Variants in KCNJ15 observed in about 807,000 individuals in gnomAD.
The protein encoded by KCNJ15 is ATP-sensitive inward rectifier potassium channel 15.
In KCNJ15, 14 loss-of-function variants were observed where a neutral mutation model predicts 23.0. The ratio of observed to expected loss-of-function variants is 0.61; its 90% confidence interval spans 0.40 to 0.95. KCNJ15 has a LOEUF of 0.95. KCNJ15 is among the 40% of genes least tolerant of loss of function. The pLI, the probability that KCNJ15 is intolerant of heterozygous loss-of-function variation, is 0.00. For missense variants in KCNJ15, 388 were observed against 461.8 expected, an observed-to-expected ratio of 0.84 and a Z score of 1.46; for synonymous variants, 185 against 183.2, an observed-to-expected ratio of 1.01 and a Z score of -0.08.
intron 1 of KCNJ15, among the ~76,000 whole-genome samples, chr21:38,279,438 G>T (rs1373210184): frequency 2.0e-5 from 3 of 152,148 alleles, no homozygotes; most frequent in Non-Finnish European, 4.4e-5. Context: ...GCCACTTCAA[G>T]ATTGGCAGAA....
chr21:38,300,604 C>T lies in KCNJ15; in HGVS notation c.*215C>T, dbSNP rs1354037684. On this transcript the variant is annotated 3_prime_UTR_variant, in exon 3 of 3. Transcript: ENST00000398938. ...TAGGTGCTTCGTCTGAAAGTGAACT[C>T]TCATAATTCAAATTGTATAAAATAA... 33 of 527,922 alleles carry T rather than the reference C, an allele frequency of 6.3e-5. No homozygotes were observed. Among genetic ancestry groups the T allele is most frequent in the South Asian group, 1.8e-4 (6 of 33,500 alleles). 32.7% of individuals were successfully genotyped at this position (527,922 alleles called of 1,614,324 possible).
intron 1 of KCNJ15, among the ~76,000 whole-genome samples, chr21:38,280,400 C>T (rs1320699767): frequency 6.6e-6 from 1 of 152,104 alleles, no homozygotes; most frequent in Non-Finnish European, 1.5e-5. Flanking sequence ...TGTATTCAGG[C>T]AATAGTGTGT....
chr21:38,246,797 A>G (rs1979401615), intron 1 of KCNJ15, among the ~76,000 whole-genome samples: 1 of 152,196 alleles, frequency 6.6e-6, no homozygotes, highest in Non-Finnish European at 1.5e-5. Flanking sequence ...CTGCTTATCT[A>G]TCAGACTGGT....
At chr21:38,295,443 A>G (rs2146345777) in intron 1 of KCNJ15, among the ~76,000 whole-genome samples, 1 of 152,342 alleles carries the variant, frequency 6.6e-6, no homozygotes, top group East Asian at 1.9e-4. Flanking sequence ...TAACTCCAAG[A>G]ACAATTTTTA....
At chr21:38,266,896 C>T (rs1321886851) in intron 1 of KCNJ15, among the ~76,000 whole-genome samples, 1 of 152,200 alleles carries the variant, frequency 6.6e-6, no homozygotes, top group Non-Finnish European at 1.5e-5. Context: ...CACCCTTAAG[C>T]CTCTGCTGCA....
intron 1 of KCNJ15, among the ~76,000 whole-genome samples, chr21:38,296,303 A>C (rs116665965): frequency 0.03 from 4,564 of 152,306 alleles, 211 homozygotes; most frequent in African/African-American, 0.1. Flanking sequence ...ATAGATAGGC[A>C]GATAGCTTAG....
intron 1 of KCNJ15, among the ~76,000 whole-genome samples, chr21:38,245,092 C>T (rs767484237): frequency 2.2e-4 from 34 of 151,836 alleles, no homozygotes; most frequent in Non-Finnish European, 4.4e-4. Context: ...TTTCTACAGG[C>T]GCCGTCATCA....
At chr21:38,230,784 A>G (rs1330335142) in intron 1 of KCNJ15, among the ~76,000 whole-genome samples, 5 of 152,070 alleles carry the variant, frequency 3.3e-5, no homozygotes, top group African/African-American at 4.8e-5. Context: ...ATTGATCTAT[A>G]TGTTTATCCT....
intron 1 of KCNJ15, among the ~76,000 whole-genome samples, chr21:38,239,158 T>G (rs892723186): frequency 1.3e-5 from 2 of 152,172 alleles, no homozygotes; most frequent in Admixed American, 1.3e-4. Flanking sequence ...GTGTTTAATA[T>G]TTCAGTGAGG....
chr21:38,305,899 G>C lies in KCNJ15; in HGVS notation c.*5510G>C, dbSNP rs1986038327. Reference sequence around the variant, plus strand: ...GAGTATTCCAGAAACATATTTCCCTGGCTTGCCCAATTATCAAGGGAAAAT... The same window carrying C: ...GAGTATTCCAGAAACATATTTCCCTCGCTTGCCCAATTATCAAGGGAAAAT... On this transcript the variant is annotated 3_prime_UTR_variant, in exon 3 of 3. Transcript: ENST00000398938. The C allele has an allele frequency of 6.6e-6, 1 of 152,162 alleles. No individual in the cohort carries two copies. The highest frequency in any genetic ancestry group is 1.5e-5 in the Non-Finnish European group (1 of 68,036). 9.4% of individuals were successfully genotyped at this position (152,162 alleles called of 1,614,324 possible). A position where few individuals can be genotyped will look rare whatever the true frequency, so the allele number is the denominator to read the frequency against.
chr21:38,290,518 T>C (rs6517456), intron 1 of KCNJ15, among the ~76,000 whole-genome samples: 117,018 of 152,112 alleles, frequency 0.77, 45,329 homozygotes, highest in African/African-American at 0.86. Flanking sequence ...TTTTCTAATG[T>C]ATAGTAGGGT....
At chr21:38,290,266 T>C (rs192777892) in intron 1 of KCNJ15, among the ~76,000 whole-genome samples, 3 of 152,270 alleles carry the variant, frequency 2.0e-5, no homozygotes, top group Admixed American at 2.0e-4. Flanking sequence ...GAAGGGTTGA[T>C]GTTCTATGAG....
At chr21:38,270,352 C>T (rs573143579) in intron 1 of KCNJ15, among the ~76,000 whole-genome samples, 2 of 152,282 alleles carry the variant, frequency 1.3e-5, no homozygotes, top group South Asian at 4.1e-4. Flanking sequence ...CCCTTTTGCA[C>T]CCTGAGCTGA....
chr21:38,259,908 C>T (rs778650520), intron 1 of KCNJ15, among the ~76,000 whole-genome samples: 20 of 152,108 alleles, frequency 1.3e-4, no homozygotes, highest in Non-Finnish European at 2.4e-4. Context: ...CAGTGTGACC[C>T]GGTAGTAGCT....
chr21:38,249,910 T>G (rs1979708661), intron 1 of KCNJ15, among the ~76,000 whole-genome samples: 1 of 152,218 alleles, frequency 6.6e-6, no homozygotes, highest in African/African-American at 2.4e-5. Flanking sequence ...ATGTATTTGT[T>G]GTGGCTTCTC....
chr21:38,287,337 A>G (rs1984018309), intron 1 of KCNJ15, among the ~76,000 whole-genome samples: 1 of 152,212 alleles, frequency 6.6e-6, no homozygotes, highest in African/African-American at 2.4e-5. Flanking sequence ...TCTTCTAAGA[A>G]GGATGGCTTT....
intron 1 of KCNJ15, among the ~76,000 whole-genome samples, chr21:38,287,696 C>T (rs1316653870): frequency 6.6e-6 from 1 of 152,186 alleles, no homozygotes; most frequent in African/African-American, 2.4e-5. Context: ...GGCTAATTAA[C>T]TACAGATGGT....
chr21:38,255,790 A>G (rs2836244), upstream of KCNJ15, among the ~76,000 whole-genome samples: 115,324 of 152,026 alleles, frequency 0.76, 44,359 homozygotes, highest in African/African-American at 0.89. Flanking sequence ...GGTGAATTGC[A>G]GAGCCCAGTA....
intron 1 of KCNJ15, among the ~76,000 whole-genome samples, chr21:38,257,934 C>T (rs1255795599): frequency 6.6e-6 from 1 of 152,096 alleles, no homozygotes; most frequent in Non-Finnish European, 1.5e-5. Flanking sequence ...ATTTCTTGAC[C>T]TCATAATTTC....
Sources: allele counts gnomAD v4.1 joint callset (sites outside exome capture counted in the v4.1 genomes callset), GRCh38; gene constraint gnomAD v4.1.1; transcripts MANE v1.5; gene names NCBI Gene and HGNC (gene_info 2026-07-23, HGNC 2026-07-21).